Variants in SCAPER observed in about 807,000 individuals in gnomAD.
SCAPER encodes S phase cyclin A-associated protein in the endoplasmic reticulum.
SCAPER carries 98 observed loss-of-function variants against 182.2 expected under a neutral mutation model. The ratio of observed to expected loss-of-function variants is 0.54; its 90% CI spans 0.46 to 0.64. The LOEUF (loss-of-function observed/expected upper bound fraction) is 0.64, where lower values mean the gene tolerates loss of function less well. Ranked by LOEUF, SCAPER falls within the 30% of genes least tolerant of loss-of-function variation. The pLI is 0.00. For missense variants in SCAPER, 1,432 were observed against 1,690.0 expected, an observed-to-expected ratio of 0.85 and a Z score of 2.68; for synonymous variants, 605 against 564.6, an observed-to-expected ratio of 1.07 and a Z score of -1.01.
chr15:76,827,608 T>C (rs1035574954), intron 5 of SCAPER, among the ~76,000 whole-genome samples: 2 of 151,466 alleles, frequency 1.3e-5, no homozygotes, highest in Admixed American at 6.6e-5. Flanking sequence ...CATCGGAGAG[T>C]AATAAGAGTC....
At chr15:76,422,814 G>C (rs2046142237) in intron 26 of SCAPER, among the ~76,000 whole-genome samples, 1 of 152,156 alleles carries the variant, frequency 6.6e-6, no homozygotes. Context: ...AATTTATTGA[G>C]AGTTTTTAGC....
intron 21 of SCAPER, among the ~76,000 whole-genome samples, chr15:76,646,585 T>C (rs2054568279): frequency 6.6e-6 from 1 of 152,190 alleles, no homozygotes; most frequent in African/African-American, 2.4e-5. Flanking sequence ...AGTCCAATGA[T>C]TAGAACTTTA....
chr15:76,645,423 A>G (rs2054463233), intron 21 of SCAPER, among the ~76,000 whole-genome samples: 1 of 152,192 alleles, frequency 6.6e-6, no homozygotes, highest in Non-Finnish European at 1.5e-5. Flanking sequence ...TATGAATACC[A>G]ATACAATGAA....
intron 23 of SCAPER, among the ~76,000 whole-genome samples, chr15:76,561,656 G>A (rs1278893233): frequency 6.6e-6 from 1 of 151,730 alleles, no homozygotes; most frequent in Non-Finnish European, 1.5e-5. Context: ...TTCAATAAAC[G>A]ACACTCAAGA....
intron 22 of SCAPER, among the ~76,000 whole-genome samples, chr15:76,583,435 T>C (rs1239339531): frequency 2.6e-5 from 4 of 151,354 alleles, no homozygotes; most frequent in Non-Finnish European, 5.9e-5. Flanking sequence ...CACATCAAGT[T>C]AAAAATCTTC....
intron 2 of SCAPER, among the ~76,000 whole-genome samples, chr15:76,882,793 T>C (rs943197216): frequency 1.3e-5 from 2 of 152,088 alleles, no homozygotes; most frequent in Non-Finnish European, 1.5e-5. Flanking sequence ...GCCTCCTGAG[T>C]AGCTGGGACT....
chr15:76,361,908 A>G (rs1446227792), intron 29 of SCAPER, among the ~76,000 whole-genome samples: 1 of 152,224 alleles, frequency 6.6e-6, no homozygotes, highest in Non-Finnish European at 1.5e-5. Context: ...TACATTCAGC[A>G]TAACTGGTTT....
chr15:76,825,412 C>T (rs746414437), intron 5 of SCAPER, among the ~76,000 whole-genome samples: 21 of 152,136 alleles, frequency 1.4e-4, no homozygotes, highest in South Asian at 2.1e-4. Context: ...TCCTACGGGC[C>T]GTATCAAGTA....
At chr15:76,851,279 A>C (rs1568336258) in intron 4 of SCAPER, among the ~76,000 whole-genome samples, 1 of 152,224 alleles carries the variant, frequency 6.6e-6, no homozygotes, top group Admixed American at 6.5e-5. Context: ...GATAGTATCC[A>C]TGATAACTTT....
intron 8 of SCAPER, among the ~76,000 whole-genome samples, chr15:76,781,496 C>T (rs1208778385): frequency 6.6e-6 from 1 of 152,150 alleles, no homozygotes; most frequent in Non-Finnish European, 1.5e-5. Context: ...CTTCCCCAAC[C>T]TAGCAAGACA....
chr15:76,405,600 T>C (rs2044771720), intron 26 of SCAPER, among the ~76,000 whole-genome samples: 1 of 152,246 alleles, frequency 6.6e-6, no homozygotes, highest in African/African-American at 2.4e-5. Context: ...CTAGAGCTGT[T>C]TGTAAACTGG....
intron 21 of SCAPER, among the ~76,000 whole-genome samples, chr15:76,638,294 T>C (rs2053812718): frequency 6.6e-6 from 1 of 152,158 alleles, no homozygotes; most frequent in Non-Finnish European, 1.5e-5. Context: ...AACCAAGAGT[T>C]CACAATTTTA....
intron 23 of SCAPER, among the ~76,000 whole-genome samples, chr15:76,519,470 G>A (rs1210617693): frequency 6.6e-6 from 1 of 152,160 alleles, no homozygotes; most frequent in Admixed American, 6.6e-5. Flanking sequence ...GACCATTTAA[G>A]GTTGTTAACT....
At chr15:76,555,625 G>A (rs1284670245) in intron 23 of SCAPER, among the ~76,000 whole-genome samples, 7 of 152,000 alleles carry the variant, frequency 4.6e-5, no homozygotes, top group Non-Finnish European at 5.9e-5. Context: ...AAACAACAAC[G>A]ATCAAAAAAG....
chr15:76,565,535 TGGTGA>T (rs1290212217), intron 23 of SCAPER, among the ~76,000 whole-genome samples: 1 of 152,082 alleles, frequency 6.6e-6, no homozygotes, highest in African/African-American at 2.4e-5. Context: ...TAACAGATGC[TGGTGA>T]GGTTGTGGAG....
chr15:76,719,643 T>C (rs2060089316), intron 17 of SCAPER, among the ~76,000 whole-genome samples: 1 of 152,168 alleles, frequency 6.6e-6, no homozygotes, highest in African/African-American at 2.4e-5. Flanking sequence ...ATATGTACAC[T>C]ACAACATTAT....
chr15:76,773,148 A>T (rs561291820), intron 9 of SCAPER, among the ~76,000 whole-genome samples: 1 of 152,028 alleles, frequency 6.6e-6, no homozygotes. Context: ...TACACTACTC[A>T]ATCCCACTTA....
intron 23 of SCAPER, among the ~76,000 whole-genome samples, chr15:76,566,742 A>C (rs1053489050): frequency 3.9e-5 from 6 of 152,098 alleles, no homozygotes; most frequent in African/African-American, 1.4e-4. Context: ...TCAATAAAAA[A>C]ATTTCTTCAA....
chr15:76,856,804 T>A (rs2071419163), intron 4 of SCAPER, among the ~76,000 whole-genome samples: 1 of 152,006 alleles, frequency 6.6e-6, no homozygotes, highest in African/African-American at 2.4e-5. Flanking sequence ...GGAGGTCAAG[T>A]CATTCTGTGA....
Sources: allele counts gnomAD v4.1 joint callset (sites outside exome capture counted in the v4.1 genomes callset), GRCh38; gene constraint gnomAD v4.1.1; transcripts MANE v1.5; gene names NCBI Gene and HGNC (gene_info 2026-07-23, HGNC 2026-07-21).